The following PCDH15 variants were observed in gnomAD, a reference collection of about 807,000 sequenced individuals.
PCDH15 encodes the protein protocadherin-15.
In PCDH15, 129 loss-of-function variants were observed where a neutral mutation model predicts 178.5. The ratio of observed to expected loss-of-function variants is 0.72; its 90% CI spans 0.63 to 0.84. The LOEUF (loss-of-function observed/expected upper bound fraction) is 0.84. Among genes scored for constraint, PCDH15 ranks in the 40% least tolerant of loss-of-function variants. The probability of loss-of-function intolerance (pLI) is 0.00; values close to 1 mark genes in which losing one functional copy is unlikely to be tolerated. For synonymous variants in PCDH15, 800 were observed against 732.0 expected (o/e 1.09, Z -1.50); for missense variants, 2,230 against 2,099.9 (o/e 1.06, Z -1.21).
rs148140309 is a variant in PCDH15 at position 55,247,002 on chromosome 10, C to T, written c.-156+72597G>A. The stretch of plus-strand genomic sequence containing the variant: ...CTCTTTTTCTATGTTGATTAACATA[C>T]ATGAGTAAAAGTTTAAGCACAAATA... On this transcript the variant is annotated intron_variant, in intron 1 of 5. Transcript: ENST00000458638. Among the ~76,000 whole-genome samples the T allele has an allele frequency of 8.8e-3, 1,340 of 152,184 alleles. 28 individuals are homozygous for T. Among genetic ancestry groups the T allele is most frequent in the African/African-American group, 0.03 (1,261 of 41,530 alleles).
At chr10:55,132,444 G>T (rs1034628796) in intron 2 of PCDH15, among the ~76,000 whole-genome samples, 4 of 152,136 alleles carry the variant, frequency 2.6e-5, no homozygotes, top group African/African-American at 9.7e-5. Context: ...AGCATTTGGG[G>T]TTTTAAAAGA....
chr10:54,919,781 A>T (rs1004661726), intron 2 of PCDH15, among the ~76,000 whole-genome samples: 1 of 152,128 alleles, frequency 6.6e-6, no homozygotes, highest in Non-Finnish European at 1.5e-5. Context: ...TTACTTTCAT[A>T]TGAAATATGA....
At chr10:54,931,607 G>C (rs1373670137) in intron 2 of PCDH15, among the ~76,000 whole-genome samples, 2 of 152,166 alleles carry the variant, frequency 1.3e-5, no homozygotes, top group Admixed American at 1.3e-4. Flanking sequence ...GGTATTCACT[G>C]TTATTCATCC....
intron 2 of PCDH15, among the ~76,000 whole-genome samples, chr10:55,377,458 G>A (rs34302184): frequency 0.096 from 14,611 of 151,550 alleles, 774 homozygotes; most frequent in East Asian, 0.18. Context: ...TTTGATTTGC[G>A]TATTCTATAA....
chr10:55,219,043 G>C (rs1447012283), intron 1 of PCDH15, among the ~76,000 whole-genome samples: 1 of 151,932 alleles, frequency 6.6e-6, no homozygotes, highest in Admixed American at 6.6e-5. Flanking sequence ...ATTATCAAGT[G>C]ACTTTGTTTT....
intron 2 of PCDH15, among the ~76,000 whole-genome samples, chr10:55,537,550 C>T (rs59034156): frequency 0.39 from 59,033 of 151,556 alleles, 12,125 homozygotes; most frequent in East Asian, 0.8. Flanking sequence ...ATTCTCCTGC[C>T]TCAGCCTCCC....
chr10:54,999,290 GAAAT>G (rs757261964), intron 2 of PCDH15, among the ~76,000 whole-genome samples: 216 of 113,096 alleles, frequency 1.9e-3, no homozygotes, highest in Non-Finnish European at 3.2e-3. Context: ...GAGGATTCTG[GAAAT>G]AAATAAAGAA....
At chr10:55,519,528 T>G (rs571287940) in intron 2 of PCDH15, among the ~76,000 whole-genome samples, 1 of 152,196 alleles carries the variant, frequency 6.6e-6, no homozygotes, top group African/African-American at 2.4e-5. Flanking sequence ...AGCTTTGATA[T>G]TCTACTACAG....
intron 20 of PCDH15, among the ~76,000 whole-genome samples, chr10:53,999,348 G>T (rs1460402830): frequency 6.6e-6 from 1 of 152,100 alleles, no homozygotes; most frequent in Admixed American, 6.5e-5. Flanking sequence ...TGCTGTCCAA[G>T]TTGCTGTTTC....
intron 21 of PCDH15, among the ~76,000 whole-genome samples, chr10:53,973,287 G>A (rs1470329434): frequency 8.0e-6 from 1 of 125,064 alleles, no homozygotes; most frequent in Non-Finnish European, 1.6e-5. Flanking sequence ...ACCAGGGCCT[G>A]TCATGGGGTG....
intron 2 of PCDH15, among the ~76,000 whole-genome samples, chr10:55,030,262 T>C (rs1037039579): frequency 6.6e-6 from 1 of 152,192 alleles, no homozygotes; most frequent in Non-Finnish European, 1.5e-5. Flanking sequence ...GCAGCCATTA[T>C]CATCATGTGT....
In PCDH15 at chr10:54,474,408, A is replaced by T. The variant is rs117086007; in HGVS notation, c.157+53404T>A. 2.1e-3 allele frequency among the ~76,000 whole-genome samples: 325 copies of T among 152,082 alleles called. 1 individual carries two copies. The highest frequency in any genetic ancestry group is 3.3e-3 in the Non-Finnish European group (222 of 67,864). ...ACAGGAATTGGGTTTGTTATGTCAAATCCTATGCTAAAGCCTGTAAATAAG... is the reference window on the plus strand; with the variant it reads ...ACAGGAATTGGGTTTGTTATGTCAATTCCTATGCTAAAGCCTGTAAATAAG... On this transcript the variant is annotated intron_variant, in intron 3 of 37. Coordinates refer to ENST00000644397, the MANE Select transcript of PCDH15 (RefSeq NM_001384140.1).
At chr10:55,525,513 T>C (rs1368290149) in intron 2 of PCDH15, among the ~76,000 whole-genome samples, 1 of 151,886 alleles carries the variant, frequency 6.6e-6, no homozygotes, top group Non-Finnish European at 1.5e-5. Context: ...TCATATGTTA[T>C]CAAAATATTC....
At chr10:55,430,068 T>C (rs1284521210) in intron 2 of PCDH15, among the ~76,000 whole-genome samples, 4 of 152,138 alleles carry the variant, frequency 2.6e-5, no homozygotes, top group Non-Finnish European at 5.9e-5. Flanking sequence ...GGTTAGTACA[T>C]AAATACATAA....
rs144739859 is a variant in PCDH15 at position 54,246,865 on chromosome 10, T to C, written c.877-9934A>G. Among the ~76,000 whole-genome samples, 23 of 152,058 alleles carry C rather than the reference T, an allele frequency of 1.5e-4. No homozygotes were observed. The East Asian group carries it at 4.4e-3, about 29-fold the overall frequency. Reference sequence around the variant, plus strand: ...TTTAGCAAAGCCAGTGAATATGTATTATTATCTTATAGTTGCTTTAACTTG... The same window carrying C: ...TTTAGCAAAGCCAGTGAATATGTATCATTATCTTATAGTTGCTTTAACTTG... On this transcript the variant is annotated intron_variant, in intron 8 of 37. Coordinates refer to ENST00000644397, the MANE Select transcript of PCDH15 (RefSeq NM_001384140.1).
At chr10:55,153,143 C>G (rs1057128500) in intron 2 of PCDH15, among the ~76,000 whole-genome samples, 1 of 152,054 alleles carries the variant, frequency 6.6e-6, no homozygotes, top group Non-Finnish European at 1.5e-5. Context: ...TCTACTTTAT[C>G]TAGTTACCCA....
In PCDH15 at chr10:54,750,470, G is replaced by A. The variant is rs888105028; in HGVS notation, c.-29+50455C>T. 4.6e-5 allele frequency among the ~76,000 whole-genome samples: 7 copies of A among 151,966 alleles called. No homozygotes were observed. The East Asian group carries it at 7.7e-4, about 17-fold the overall frequency. Reference sequence around the variant, plus strand: ...TTTGGTAGTGAAATTGTAAAGAATCGATTACTACTGTGATGAATCAAATCA... The same window carrying A: ...TTTGGTAGTGAAATTGTAAAGAATCAATTACTACTGTGATGAATCAAATCA... On this transcript the variant is annotated intron_variant, in intron 1 of 37. Coordinates refer to ENST00000644397, the MANE Select transcript of PCDH15 (RefSeq NM_001384140.1).
At chr10:54,173,752 T>G (rs552921950) in intron 13 of PCDH15, among the ~76,000 whole-genome samples, 106 of 152,236 alleles carry the variant, frequency 7.0e-4, no homozygotes, top group African/African-American at 2.5e-3. Flanking sequence ...TTGACAATAA[T>G]TTTATTCCAT....
At position 54,095,885 on chromosome 10, in the gene PCDH15, T is replaced by A. The variant is rs1439172252; in HGVS notation, c.1918-5822A>T. ...ATCAATTCTAAAATAAGCCTGCAAT[T>A]CTAATTTTGTCTAGGGCTCAAGGAA... On this transcript the variant is annotated intron_variant, in intron 15 of 37. Transcript: ENST00000644397. Among the ~76,000 whole-genome samples, 4 of 152,174 alleles carry A rather than the reference T, an allele frequency of 2.6e-5. No homozygotes were observed. In the South Asian group the frequency reaches 8.3e-4, roughly 31 times the overall value.
Sources: gnomAD v4.1 joint callset for allele counts (sites outside exome capture counted in the v4.1 genomes callset) on GRCh38, gnomAD v4.1.1 for gene constraint, MANE v1.5 for transcripts, NCBI Gene and HGNC (gene_info 2026-07-23, HGNC 2026-07-21) for gene names.